Variants in CTNNA3 observed in about 807,000 individuals in gnomAD.
The protein encoded by CTNNA3 is catenin alpha 3.
A neutral mutation model predicts 95.7 loss-of-function variants in CTNNA3; 76 were observed. That is an observed-to-expected ratio of 0.79 (90% CI 0.66 to 0.96). The LOEUF is 0.96. Among genes scored for constraint, CTNNA3 ranks in the 40% least tolerant of loss-of-function variants. The pLI is 0.00. For missense variants in CTNNA3, 1,191 were observed against 1,089.8 expected (o/e 1.09, Z -1.31); for synonymous variants, 431 against 374.4 (o/e 1.15, Z -1.74).
rs570568069 is a variant in CTNNA3 at position 65,957,358 on chromosome 10, G to C, written c.2400+9254C>G. On this transcript the variant is annotated intron_variant, in intron 17 of 17. Coordinates refer to ENST00000433211, the MANE Select transcript of CTNNA3 (RefSeq NM_013266.4). ...CTCTTTATCCAATTTGCCAGTCTGT[G>C]TCTTTTAATTGGAGCATTTAGCCCA... 2.0e-5 allele frequency among the ~76,000 whole-genome samples: 3 copies of C among 152,246 alleles called. No homozygotes were observed. In the East Asian group the frequency reaches 5.8e-4, roughly 29 times the overall value.
chr10:66,158,190 G>GT (rs897065072), intron 13 of CTNNA3, among the ~76,000 whole-genome samples: 1 of 152,052 alleles, frequency 6.6e-6, no homozygotes, highest in Non-Finnish European at 1.5e-5. Context: ...ATTTATCTTT[G>GT]TTTTTACTGA....
chr10:67,404,708 C>G (rs2132817997), intron 5 of CTNNA3, among the ~76,000 whole-genome samples: 1 of 152,106 alleles, frequency 6.6e-6, no homozygotes, highest in Non-Finnish European at 1.5e-5. Flanking sequence ...ATGCAGAGAA[C>G]CCCAGTAAGA....
chr10:66,642,706 GC>G (rs1331037216), intron 9 of CTNNA3, among the ~76,000 whole-genome samples: 3 of 151,984 alleles, frequency 2.0e-5, no homozygotes, highest in Non-Finnish European at 4.4e-5. Flanking sequence ...TTACCAATAA[GC>G]TTTTGTGTAC....
chr10:66,784,211 G>A (rs1250722597), intron 7 of CTNNA3, among the ~76,000 whole-genome samples: 4 of 151,996 alleles, frequency 2.6e-5, no homozygotes, highest in African/African-American at 7.2e-5. Flanking sequence ...GGTTCATAAC[G>A]TGAAGAGTTT....
chr10:66,415,389 C>T (rs1187257138), intron 11 of CTNNA3, among the ~76,000 whole-genome samples: 1 of 152,086 alleles, frequency 6.6e-6, no homozygotes, highest in Non-Finnish European at 1.5e-5. Flanking sequence ...CAGAACATTA[C>T]AGTTACTTCC....
intron 7 of CTNNA3, among the ~76,000 whole-genome samples, chr10:66,865,073 C>G (rs763880715): frequency 4.6e-5 from 7 of 151,770 alleles, no homozygotes; most frequent in Non-Finnish European, 8.8e-5. Context: ...TGGGATGACA[C>G]CAAAAAAATC....
At chr10:67,296,305 T>C (rs1840028078) in intron 5 of CTNNA3, among the ~76,000 whole-genome samples, 1 of 152,144 alleles carries the variant, frequency 6.6e-6, no homozygotes, top group South Asian at 2.1e-4. Context: ...TGGCTAAGCA[T>C]TTAAGAGGTC....
intron 11 of CTNNA3, among the ~76,000 whole-genome samples, chr10:66,423,458 G>C (rs1453514429): frequency 6.6e-6 from 1 of 152,108 alleles, no homozygotes; most frequent in African/African-American, 2.4e-5. Context: ...AGTTCCCCTT[G>C]ATCAAAAACC....
At chr10:66,591,222 A>G (rs1843538895) in intron 10 of CTNNA3, among the ~76,000 whole-genome samples, 1 of 152,156 alleles carries the variant, frequency 6.6e-6, no homozygotes, top group Admixed American at 6.6e-5. Flanking sequence ...ATCAGTCAAC[A>G]AGTGTTTATT....
At chr10:67,739,090 A>T (rs1307287047) in intron 1 of CTNNA3, among the ~76,000 whole-genome samples, 1 of 152,176 alleles carries the variant, frequency 6.6e-6, no homozygotes, top group Non-Finnish European at 1.5e-5. Context: ...AAATACACAG[A>T]ATGCCACAAA....
chr10:66,387,125 A>C (rs1259197017), intron 11 of CTNNA3, among the ~76,000 whole-genome samples: 1 of 152,206 alleles, frequency 6.6e-6, no homozygotes, highest in East Asian at 1.9e-4. Context: ...GAGCTTCTGC[A>C]CAGCAAAAGA....
intron 7 of CTNNA3, among the ~76,000 whole-genome samples, chr10:67,175,114 A>T (rs1216298724): frequency 3.7e-5 from 5 of 136,886 alleles, no homozygotes; most frequent in Non-Finnish European, 3.2e-5. Context: ...GAAGGGCAAG[A>T]AGGAAGGGAT....
At chr10:66,186,246 T>C (rs1307270585) in intron 13 of CTNNA3, among the ~76,000 whole-genome samples, 1 of 151,714 alleles carries the variant, frequency 6.6e-6, no homozygotes, top group East Asian at 1.9e-4. Context: ...ATATGTACAG[T>C]TATTATGTGT....
chr10:67,558,340 T>C (rs1841332961), intron 3 of CTNNA3, among the ~76,000 whole-genome samples: 1 of 152,234 alleles, frequency 6.6e-6, no homozygotes, highest in African/African-American at 2.4e-5. Flanking sequence ...AACTGTGTCA[T>C]GTTTGACACC....
At chr10:67,735,267 T>C (rs1227629998) in intron 1 of CTNNA3, among the ~76,000 whole-genome samples, 2 of 151,950 alleles carry the variant, frequency 1.3e-5, no homozygotes, top group Non-Finnish European at 2.9e-5. Flanking sequence ...AAAGAGTATA[T>C]GTGCAAAACA....
chr10:65,999,649 A>G (rs1225426809), intron 15 of CTNNA3, among the ~76,000 whole-genome samples: 1 of 152,224 alleles, frequency 6.6e-6, no homozygotes, highest in East Asian at 1.9e-4. Flanking sequence ...CTTCAAGAGG[A>G]TTCTACAATT....
In CTNNA3 at chr10:67,498,231, A is replaced by G. The variant is rs190256672; in HGVS notation, c.579+23611T>C. On this transcript the variant is annotated intron_variant, in intron 5 of 17. Coordinates refer to ENST00000433211, the MANE Select transcript of CTNNA3 (RefSeq NM_013266.4). Reference sequence around the variant, plus strand: ...GCTTGTTTTTGTCAGGTTTGTCAAGATCAGATGGTTGTAGATGTGTGGTGT... The same window carrying G: ...GCTTGTTTTTGTCAGGTTTGTCAAGGTCAGATGGTTGTAGATGTGTGGTGT... 2.6e-3 allele frequency among the ~76,000 whole-genome samples: 395 copies of G among 152,278 alleles called. 2 individuals are homozygous for G. The highest frequency in any genetic ancestry group is 9.2e-3 in the African/African-American group (381 of 41,564).
intron 7 of CTNNA3, among the ~76,000 whole-genome samples, chr10:66,815,968 T>A (rs1842063418): frequency 6.6e-6 from 1 of 152,166 alleles, no homozygotes; most frequent in Non-Finnish European, 1.5e-5. Context: ...ATAGCTATAT[T>A]TTTGTTTGTA....
intron 5 of CTNNA3, among the ~76,000 whole-genome samples, chr10:67,483,595 C>G (rs1289546237): frequency 6.6e-6 from 1 of 150,664 alleles, no homozygotes; most frequent in Non-Finnish European, 1.5e-5. Flanking sequence ...ACATCACACT[C>G]TGGGGACTGT....
Sources: gnomAD v4.1 joint callset for allele counts (sites outside exome capture counted in the v4.1 genomes callset) on GRCh38, gnomAD v4.1.1 for gene constraint, MANE v1.5 for transcripts, NCBI Gene and HGNC (gene_info 2026-07-23, HGNC 2026-07-21) for gene names.